The following LTBP1 variants were observed in gnomAD, a reference collection of about 807,000 sequenced individuals.
LTBP1 encodes latent-transforming growth factor beta-binding protein 1.
LTBP1 carries 129 observed loss-of-function variants against 207.6 expected under a neutral mutation model. The ratio of observed to expected loss-of-function variants is 0.62; its 90% CI spans 0.54 to 0.72. LTBP1 has a LOEUF of 0.72. LTBP1 is among the 30% of genes least tolerant of loss of function. The pLI is 0.00. For synonymous variants in LTBP1, 963 were observed against 833.7 expected (o/e 1.16, Z -2.67); for missense variants, 2,281 against 2,217.2 (o/e 1.03, Z -0.58).
chr2:33,070,368 G>A (rs181522124), intron 3 of LTBP1, among the ~76,000 whole-genome samples: 4 of 152,326 alleles, frequency 2.6e-5, no homozygotes, highest in Non-Finnish European at 5.9e-5. Flanking sequence ...CGGCATGCCC[G>A]TCTGGGATGG....
chr2:33,170,488 A>G (rs1183361312), intron 5 of LTBP1, among the ~76,000 whole-genome samples: 2 of 152,218 alleles, frequency 1.3e-5, no homozygotes, highest in African/African-American at 2.4e-5. Flanking sequence ...GCTTAGGTAA[A>G]CACAGCAGCC....
At chr2:33,105,052 C>T (rs554999369) in intron 3 of LTBP1, among the ~76,000 whole-genome samples, 15 of 152,242 alleles carry the variant, frequency 9.9e-5, no homozygotes, top group African/African-American at 3.4e-4. Flanking sequence ...GGCCCCTTCT[C>T]GATTTATTCA....
intron 7 of LTBP1, among the ~76,000 whole-genome samples, chr2:33,214,304 A>G (rs2149322914): frequency 6.6e-6 from 1 of 152,172 alleles, no homozygotes; most frequent in East Asian, 1.9e-4. Flanking sequence ...TCAGTCCTTC[A>G]TATTTCAGGG....
At chr2:32,961,170 A>G (rs1273571366) in intron 2 of LTBP1, among the ~76,000 whole-genome samples, 1 of 152,230 alleles carries the variant, frequency 6.6e-6, no homozygotes, top group African/African-American at 2.4e-5. Context: ...GAAGTACCCA[A>G]GTCCACACAC....
At chr2:33,051,587 T>C (rs2076746298) in intron 3 of LTBP1, among the ~76,000 whole-genome samples, 1 of 152,208 alleles carries the variant, frequency 6.6e-6, no homozygotes, top group South Asian at 2.1e-4. Flanking sequence ...GTTAAATATT[T>C]GCATGGCCCC....
At chr2:33,060,403 T>C (rs219078) in intron 3 of LTBP1, among the ~76,000 whole-genome samples, 60,911 of 151,966 alleles carry the variant, frequency 0.4, 13,935 homozygotes, top group East Asian at 0.65. Context: ...AAGTTTCTTT[T>C]GATTTTAGTA....
chr2:33,366,585 G>T (rs555635791), intron 31 of LTBP1, among the ~76,000 whole-genome samples: 2 of 152,294 alleles, frequency 1.3e-5, no homozygotes, highest in African/African-American at 4.8e-5. Flanking sequence ...TTGGAAAGAG[G>T]GCAGGTCTGG....
chr2:33,149,561 ACCCAGG>A lies in LTBP1; in HGVS notation c.1201+14603_1201+14608del, dbSNP rs2083348022. Among the ~76,000 whole-genome samples the A allele has an allele frequency of 2.6e-5, 4 of 152,284 alleles. No homozygotes were observed. The South Asian group carries it at 8.3e-4, about 32-fold the overall frequency. ...CACATGTGTTGACCTAGTCAACTGG[ACCCAGG>A]CTCCTAGAGGCTTGATTTACATTTG... On this transcript the variant is annotated intron_variant, in intron 5 of 33. Transcript: ENST00000404816.
chr2:33,375,003 C>T lies in LTBP1; in HGVS notation c.4711+9500C>T, dbSNP rs530739397. ...TATTTATTTAGAAAGCTTTCTCTCACCCCTCCCAAAGAAAGGTTGAAAATA... is the reference window on the plus strand; with the variant it reads ...TATTTATTTAGAAAGCTTTCTCTCATCCCTCCCAAAGAAAGGTTGAAAATA... On this transcript the variant is annotated intron_variant, in intron 31 of 33. Transcript: ENST00000404816. Among the ~76,000 whole-genome samples, 12 of 152,284 alleles carry T rather than the reference C, an allele frequency of 7.9e-5. No individual in the cohort carries two copies. In the South Asian group the frequency reaches 2.3e-3, roughly 29 times the overall value.
At chr2:33,034,228 TAAA>T (rs10710968) in intron 3 of LTBP1, among the ~76,000 whole-genome samples, 28 of 143,634 alleles carry the variant, frequency 1.9e-4, no homozygotes, top group Admixed American at 4.2e-4. Context: ...ATTGTTGTTC[TAAA>T]AAAAAAAAAA....
At chr2:33,165,817 G>A (rs1310333443) in intron 5 of LTBP1, among the ~76,000 whole-genome samples, 2 of 152,196 alleles carry the variant, frequency 1.3e-5, no homozygotes, top group Non-Finnish European at 2.9e-5. Flanking sequence ...GTTCCATGAA[G>A]AGAAGAAGTA....
chr2:33,024,314 G>A (rs1030207294), intron 3 of LTBP1, among the ~76,000 whole-genome samples: 2 of 152,166 alleles, frequency 1.3e-5, no homozygotes, highest in East Asian at 1.9e-4. Context: ...GTGTGGTGGG[G>A]AAGAGTGAGG....
chr2:33,297,440 T>C (rs1408951469), intron 20 of LTBP1, among the ~76,000 whole-genome samples: 1 of 149,508 alleles, frequency 6.7e-6, no homozygotes, highest in African/African-American at 2.5e-5. Flanking sequence ...TATTTATTTA[T>C]TTATTTATTG....
chr2:33,287,435 G>A (rs1424285764), intron 19 of LTBP1, among the ~76,000 whole-genome samples: 5 of 152,156 alleles, frequency 3.3e-5, no homozygotes, highest in Admixed American at 2.6e-4. Flanking sequence ...ATATAATGAA[G>A]ACAATAAGGA....
chr2:33,050,381 C>CT, intron 3 of LTBP1, among the ~76,000 whole-genome samples: 1 of 152,070 alleles, frequency 6.6e-6, no homozygotes, highest in Non-Finnish European at 1.5e-5. Context: ...AACTTCTATT[C>CT]TTTGAGTAGA....
At chr2:33,225,408 A>T (rs2091376419) in intron 9 of LTBP1, among the ~76,000 whole-genome samples, 1 of 152,232 alleles carries the variant, frequency 6.6e-6, no homozygotes, top group African/African-American at 2.4e-5. Context: ...AAGAGATTTA[A>T]CTGGACTTAC....
At position 33,273,655 on chromosome 2, in the gene LTBP1, G is replaced by T. The variant is rs1477364819; in HGVS notation, c.2618-1G>T. On this transcript the variant is annotated splice_acceptor_variant, in intron 15 of 33. Coordinates refer to ENST00000404816, the MANE Select transcript of LTBP1 (RefSeq NM_206943.4). LOFTEE classifies it high-confidence loss of function. ...TCACATTATTTTATTTACTTTTAAA[G>T]AAATCAATGAATGTACTGTGAACCC... The T allele has an allele frequency of 2.5e-6, 4 of 1,596,780 alleles. No individual in the cohort carries two copies. Among genetic ancestry groups the T allele is most frequent in the Admixed American group, 1.8e-5 (1 of 56,818 alleles).
intron 32 of LTBP1, among the ~76,000 whole-genome samples, chr2:33,396,774 G>C (rs1336844417): frequency 6.6e-6 from 1 of 152,156 alleles, no homozygotes; most frequent in Non-Finnish European, 1.5e-5. Flanking sequence ...TGTTGGTTCT[G>C]TTCTGAGAGT....
intron 7 of LTBP1, among the ~76,000 whole-genome samples, chr2:33,207,540 A>G (rs1297169441): frequency 1.3e-5 from 2 of 152,198 alleles, no homozygotes; most frequent in Admixed American, 1.3e-4. Flanking sequence ...CCTATAAAGA[A>G]TGTTCTGCTC....
Sources: gnomAD v4.1 joint callset for allele counts (sites outside exome capture counted in the v4.1 genomes callset) on GRCh38, gnomAD v4.1.1 for gene constraint, MANE v1.5 for transcripts, NCBI Gene and HGNC (gene_info 2026-07-23, HGNC 2026-07-21) for gene names.